The following CHD1 variants were observed in gnomAD, a reference collection of about 807,000 sequenced individuals.
CHD1 encodes the protein ATP-dependent chromatin remodeler CHD1.
A neutral mutation model predicts 224.2 loss-of-function variants in CHD1; 36 were observed. The ratio of observed to expected loss-of-function variants is 0.16; its 90% CI spans 0.12 to 0.21. CHD1 has a LOEUF of 0.21. Ranked by LOEUF, CHD1 falls within the 10% of genes least tolerant of loss-of-function variation. The probability of loss-of-function intolerance (pLI) is 1.00; values close to 1 mark genes in which losing one functional copy is unlikely to be tolerated. For missense variants in CHD1, 1,378 were observed against 1,994.8 expected (o/e 0.69, Z 5.89); for synonymous variants, 668 against 658.3 (o/e 1.01, Z -0.23).
chr5:98,884,165 C>G (rs1750460867), intron 18 of CHD1, among the ~76,000 whole-genome samples: 1 of 151,336 alleles, frequency 6.6e-6, no homozygotes, highest in Non-Finnish European at 1.5e-5. Flanking sequence ...GCTCCGCCTC[C>G]CGGGTTCACA....
chr5:98,910,705 C>G (rs1010681200), intron 2 of CHD1, among the ~76,000 whole-genome samples: 5 of 152,062 alleles, frequency 3.3e-5, no homozygotes, highest in Non-Finnish European at 7.4e-5. Context: ...ATTTTACACT[C>G]TTAAATAAAT....
chr5:98,922,783 G>A (rs572077801), intron 2 of CHD1, among the ~76,000 whole-genome samples: 1 of 152,284 alleles, frequency 6.6e-6, no homozygotes, highest in Admixed American at 6.5e-5. Context: ...GAGGTCAGGA[G>A]TTCGAGACCA....
chr5:98,868,866 C>G (rs1033019668), intron 30 of CHD1: 7 of 495,650 alleles, frequency 1.4e-5, no homozygotes, highest in Admixed American at 4.5e-5. Flanking sequence ...GTGTTCAGAC[C>G]TACTATTCTC....
Position 98,904,902 on chromosome 5 carries a change from C to T in CHD1, c.250G>A (p.Ala84Thr). Residue 84 changes from alanine (A) to threonine (T), a missense_variant, in exon 3 of 36, where the codon GCT becomes ACT. This residue lies in a region of CHD1 where 306 missense variants were observed against 298.1 expected (regional missense o/e 1.03). Coordinates refer to ENST00000614616, the MANE Select transcript of CHD1 (RefSeq NM_001270.4). Reference sequence around the variant, plus strand: ...TTGGGTATTTTATTGATTACCTCAGCTCCATCAACTTTCGGTGGTTTTGCT... The same window carrying T: ...TTGGGTATTTTATTGATTACCTCAGTTCCATCAACTTTCGGTGGTTTTGCT... ...VQAKPPKVDG[A>T]EFWKSSPSIL... 1 of 1,613,926 alleles carries T rather than the reference C, an allele frequency of 6.2e-7. No homozygotes were observed.
chr5:98,856,429 A>G lies in CHD1; in HGVS notation c.5084T>C (p.Val1695Ala). The change falls in exon 36 of 36, where the codon GTT (valine) becomes GCT (alanine). Residue 1695 changes from valine (V) to alanine (A), a missense_variant. Physicochemically the swap from Val to Ala is moderately conservative, Grantham distance 64 (BLOSUM62 0). This residue lies in a region of CHD1 where 278 missense variants were observed against 298.5 expected (regional missense o/e 0.93). Coordinates refer to ENST00000614616, the MANE Select transcript of CHD1 (RefSeq NM_001270.4). ...ATGCTCCGGTGTACTTTTGTGTTCA[A>G]CTGAATGTTCAAATGGAGATCTGGA... ...YGSRSPFEHSVEHKSTPEHTW... is the reference protein window; with the variant it reads ...YGSRSPFEHSAEHKSTPEHTW... 2 of 1,613,036 alleles carry G rather than the reference A, an allele frequency of 1.2e-6. No individual in the cohort carries two copies. The highest frequency in any genetic ancestry group is 1.1e-5 in the South Asian group (1 of 91,058).
chr5:98,905,059 T>A lies in CHD1; in HGVS notation c.93A>T (p.Gly31=). ...TACTGCTTCCAGAACTCGAACCAGATCCAGAGCCTGAAGCTGACCCAGAAT... is the reference window on the plus strand; with the variant it reads ...TACTGCTTCCAGAACTCGAACCAGAACCAGAGCCTGAAGCTGACCCAGAAT... The part of the protein sequence containing the change: ...DDDSGSASGS[G]SGSSSGSSSD... Residue 31 remains glycine (G), a synonymous_variant, in exon 3 of 36, where the codon GGA becomes GGT. Coordinates refer to ENST00000614616, the MANE Select transcript of CHD1 (RefSeq NM_001270.4). The A allele has an allele frequency of 6.2e-7, 1 of 1,602,464 alleles. No homozygotes were observed. Among genetic ancestry groups the A allele is most frequent in the Non-Finnish European group, 8.6e-7 (1 of 1,169,328 alleles).
At position 98,854,474 on chromosome 5, in the gene CHD1, G is replaced by C. The variant is rs1304096953; in HGVS notation, c.*1906C>G. ...GAATAAAATAGTCATACTAAATGTA[G>C]AGAAAAGTGATAAAAGTTTCAAAAA... On this transcript the variant is annotated 3_prime_UTR_variant, in exon 36 of 36. Transcript: ENST00000614616. 1.3e-5 allele frequency: 2 copies of C among 152,104 alleles called. No individual in the cohort carries two copies. Among genetic ancestry groups the C allele is most frequent in the South Asian group, 4.1e-4 (2 of 4,822 alleles). The allele number at this position is 152,104 out of a possible 1,614,324, so 9.4% of individuals were successfully genotyped here. A position where few individuals can be genotyped will look rare whatever the true frequency, so the allele number is the denominator to read the frequency against.
In CHD1 at chr5:98,876,487, G is replaced by T; in HGVS notation, c.3309C>A (p.Ile1103=). The change falls in exon 24 of 36, where the codon ATC becomes ATA. Residue 1103 remains isoleucine, a synonymous_variant. Transcript: ENST00000614616. ...GTTTCTTTGGCCTTTTCCCTTCTGA[G>T]ATGGAATCACTATCAGATCCAGAGT... ...RRYSGSDSDS[I]SEGKRPKKRG... 1.2e-6 allele frequency: 2 copies of T among 1,613,646 alleles called. No individual in the cohort carries two copies. Among genetic ancestry groups the T allele is most frequent in the South Asian group, 1.1e-5 (1 of 91,068 alleles).
At position 98,924,945 on chromosome 5, in the gene CHD1, T is replaced by A. The variant is rs545593668; in HGVS notation, c.53+1389A>T. Reference sequence around the variant, plus strand: ...GTGAGCCGGGATCACACCACTGCACTCCAGCCTGGGCGACAGAGCAAGACT... The same window carrying A: ...GTGAGCCGGGATCACACCACTGCACACCAGCCTGGGCGACAGAGCAAGACT... On this transcript the variant is annotated intron_variant, in intron 2 of 35. Transcript: ENST00000614616. Among the ~76,000 whole-genome samples the A allele has an allele frequency of 4.7e-5, 7 of 149,710 alleles. No homozygotes were observed. The East Asian group carries it at 1.4e-3, about 30-fold the overall frequency.
chr5:98,922,245 A>T (rs1250117230), intron 2 of CHD1, among the ~76,000 whole-genome samples: 2 of 152,206 alleles, frequency 1.3e-5, no homozygotes, highest in African/African-American at 4.8e-5. Flanking sequence ...ACACAGCTGC[A>T]AATTGATGCT....
chr5:98,926,220 C>G, intron 2 of CHD1, 114 bp downstream of exon 2: 3 of 634,936 alleles, frequency 4.7e-6, no homozygotes, highest in Non-Finnish European at 8.0e-6. Flanking sequence ...AGAGGAAAAC[C>G]TGAAAACTCT....
intron 2 of CHD1, among the ~76,000 whole-genome samples, chr5:98,924,648 G>T (rs1753329727): frequency 6.6e-6 from 1 of 152,168 alleles, no homozygotes; most frequent in African/African-American, 2.4e-5. Context: ...TATGAAAGCT[G>T]ATAAACTAAA....
chr5:98,903,451 T>C (rs1230790563), intron 4 of CHD1, among the ~76,000 whole-genome samples: 1 of 137,804 alleles, frequency 7.3e-6, no homozygotes, highest in African/African-American at 3.0e-5. Context: ...CGTACAAATA[T>C]GATTTAATGA....
rs749690054 is a variant in CHD1, at chr5:98,858,188, T to C, written c.4779A>G (p.Gln1593=). 47 of 1,612,364 alleles carry C rather than the reference T, an allele frequency of 2.9e-5. No individual in the cohort carries two copies. The highest frequency in any genetic ancestry group is 2.0e-4 in the Admixed American group (12 of 59,916). The change falls in exon 35 of 36, where the codon CAA becomes CAG. Residue 1593 remains glutamine, a synonymous_variant. Transcript: ENST00000614616. The stretch of plus-strand genomic sequence containing the variant: ...GTGACTGCCAAGTTTACCTGCTGTC[T>C]TGCTTGTAGTGATCCCAATCACGAT... The part of the protein sequence containing the change: ...KDHRDWDHYK[Q]DSRYYSDREK...
intron 20 of CHD1, 105 bp downstream of exon 20, chr5:98,881,870 T>C (rs557571928): frequency 1.7e-5 from 17 of 974,438 alleles, no homozygotes; most frequent in South Asian, 4.1e-5. Flanking sequence ...ATATAAAAAG[T>C]ACAACTCTGA....
At chr5:98,881,833 C>A (rs773444470) in intron 20 of CHD1, 142 bp downstream of exon 20, 216 of 663,366 alleles carry the variant, frequency 3.3e-4, no homozygotes, top group Non-Finnish European at 3.9e-4. Context: ...TGTCTTCTAA[C>A]TAGAAATTAG....
chr5:98,880,197 A>G (rs1042055304), intron 22 of CHD1, among the ~76,000 whole-genome samples: 1 of 152,326 alleles, frequency 6.6e-6, no homozygotes, highest in South Asian at 2.1e-4. Flanking sequence ...AAGATAGCAC[A>G]TTTAAGGTAC....
chr5:98,868,627 T>G lies in CHD1; in HGVS notation c.4116A>C (p.Glu1372Asp). ...KSDEDDDKLS[E>D]SKSDGRERSK... ...ATCTTTCCCTACCATCAGACTTGGA[T>G]TCACTCAACTAAAGAAAAAGTGAAA... is the stretch of plus-strand genomic sequence containing the variant. The change falls in exon 31 of 36, where the codon GAA (glutamate) becomes GAC (aspartate). Residue 1372 changes from glutamate (E) to aspartate (D), a missense_variant. Coordinates refer to ENST00000614616, the MANE Select transcript of CHD1 (RefSeq NM_001270.4). The G allele has an allele frequency of 6.4e-7, 1 of 1,572,570 alleles. No individual in the cohort carries two copies. Among genetic ancestry groups the G allele is most frequent in the South Asian group, 1.2e-5 (1 of 84,096 alleles).
intron 32 of CHD1, among the ~76,000 whole-genome samples, chr5:98,863,111 A>G (rs985006056): frequency 5.9e-5 from 9 of 152,134 alleles, no homozygotes; most frequent in African/African-American, 2.2e-4. Flanking sequence ...ACTGATAATA[A>G]TTTGGTAAAT....
Sources: allele counts gnomAD v4.1 joint callset (sites outside exome capture counted in the v4.1 genomes callset), GRCh38; gene constraint gnomAD v4.1.1; regional missense constraint gnomAD v4.1.1; transcripts MANE v1.5; gene names NCBI Gene and HGNC (gene_info 2026-07-23, HGNC 2026-07-21).